GUSB: variants seen among roughly 807,000 people sequenced by gnomAD.
GUSB encodes glucuronidase beta, also known as beta-glucuronidase.
A neutral mutation model predicts 74.6 loss-of-function variants in GUSB; 51 were observed. The ratio of observed to expected loss-of-function variants is 0.68; its 90% CI spans 0.55 to 0.86. The LOEUF is 0.86. Among genes scored for constraint, GUSB ranks in the 40% least tolerant of loss-of-function variants. The pLI, the probability that GUSB is intolerant of heterozygous loss-of-function variation, is 0.00. For missense variants in GUSB, 736 were observed against 853.7 expected, an observed-to-expected ratio of 0.86 and a Z score of 1.72; for synonymous variants, 360 against 348.3, an observed-to-expected ratio of 1.03 and a Z score of -0.37.
Position 65,961,067 on chromosome 7 carries a change from CAAAA to C in GUSB, c.1790-8_1790-5del. 15 of 1,454,958 alleles carry C rather than the reference CAAAA, an allele frequency of 1.0e-5. No homozygotes were observed. The highest frequency in any genetic ancestry group is 2.4e-5 in the East Asian group (1 of 42,366). The allele number at this position is 1,454,958 out of a possible 1,614,324, so 90.1% of individuals were successfully genotyped here. A position where few individuals can be genotyped will look rare whatever the true frequency, so the allele number is the denominator to read the frequency against. ...TTCCCCAGCACTCTCGTCGGTGCTA[CAAAA>C]AAAAAAAAAAGACACAAAGCGATTC... On this transcript the variant is annotated splice_polypyrimidine_tract_variant and splice_region_variant and intron_variant, in intron 11 of 11. Transcript: ENST00000304895.
At position 65,982,172 on chromosome 7, in the gene GUSB, C is replaced by G; in HGVS notation, c.12G>C (p.Gly4=). 6.6e-7 allele frequency: 1 copy of G among 1,514,382 alleles called. No homozygotes were observed. Among genetic ancestry groups the G allele is most frequent in the Non-Finnish European group, 8.8e-7 (1 of 1,131,162 alleles). The allele number at this position is 1,514,382 out of a possible 1,614,324, so 93.8% of individuals were successfully genotyped here. Residue 4 remains glycine, a synonymous_variant, in exon 1 of 12, where the codon GGG becomes GGC. Coordinates refer to ENST00000304895, the MANE Select transcript of GUSB (RefSeq NM_000181.4). ...CGAGCGCCGCCCAGGCAACCGCCGA[C>G]CCCCGGGCCATGCTTCCCGGTCCCC... MAR[G]SAVAWAALGP...
At chr7:65,967,557 T>C (rs1880556) in intron 10 of GUSB, among the ~76,000 whole-genome samples, 174 bp downstream of exon 10, 85,294 of 151,954 alleles carry the variant, frequency 0.56, 24,242 homozygotes, top group East Asian at 0.81. Flanking sequence ...GAGGACCAAG[T>C]GAGTGGGGCA....
In GUSB at chr7:65,979,798, G is replaced by A. The variant is rs752674900; in HGVS notation, c.510C>T (p.Ile170=). 89 of 1,613,724 alleles carry A rather than the reference G, an allele frequency of 5.5e-5. No homozygotes were observed. Among genetic ancestry groups the A allele is most frequent in the African/African-American group, 8.0e-5 (6 of 74,936 alleles). Residue 170 remains isoleucine, a synonymous_variant, in exon 3 of 12, where the codon ATC becomes ATT. Coordinates refer to ENST00000304895, the MANE Select transcript of GUSB (RefSeq NM_000181.4). The part of the protein sequence containing the change: ...GPLPSRLRIT[I]AINNTLTPTT... ...TGGGGGTGAGTGTGTTGTTGATGGC[G>A]ATAGTGATTCGGAGCCGGGAGGGCA...
chr7:65,964,503 A>G (rs752691657), intron 10 of GUSB, 45 bp from the exon 11 acceptor site: 7 of 1,586,412 alleles, frequency 4.4e-6, no homozygotes, highest in African/African-American at 1.3e-5. Flanking sequence ...AACTGGCAGA[A>G]TTGTAAATGT....
intron 4 of GUSB, among the ~76,000 whole-genome samples, chr7:65,977,810 TTTTTTA>T (rs1428172905): frequency 9.2e-5 from 14 of 151,718 alleles, no homozygotes; most frequent in Non-Finnish European, 1.9e-4. Flanking sequence ...ATATATATAT[TTTTTTA>T]TTTTTATTTT....
intron 8 of GUSB, among the ~76,000 whole-genome samples, chr7:65,972,428 T>C (rs1210060258): frequency 6.6e-6 from 1 of 152,204 alleles, no homozygotes; most frequent in Non-Finnish European, 1.5e-5. Flanking sequence ...CCTCCCAAAG[T>C]GCTGGGATTA....
chr7:65,971,988 G>A (rs547185153), intron 8 of GUSB, among the ~76,000 whole-genome samples: 45 of 148,544 alleles, frequency 3.0e-4, no homozygotes, highest in African/African-American at 1.1e-3. Flanking sequence ...GTGGTGAGCC[G>A]AGATTGTGCC....
chr7:65,978,665 G>A (rs543512114), intron 4 of GUSB, among the ~76,000 whole-genome samples: 44 of 144,898 alleles, frequency 3.0e-4, no homozygotes, highest in South Asian at 6.6e-4. Context: ...CCAGTTACTC[G>A]GGAGGCTGAG....
chr7:65,961,071 A>G lies in GUSB; in HGVS notation c.1790-8T>C. The G allele has an allele frequency of 1.3e-6, 2 of 1,594,942 alleles. No individual in the cohort carries two copies. The highest frequency in any genetic ancestry group is 1.7e-6 in the Non-Finnish European group (2 of 1,164,054). On this transcript the variant is annotated splice_region_variant and splice_polypyrimidine_tract_variant and intron_variant, in intron 11 of 11. Coordinates refer to ENST00000304895, the MANE Select transcript of GUSB (RefSeq NM_000181.4). ...CCAGCACTCTCGTCGGTGCTACAAA[A>G]AAAAAAAAAAGACACAAAGCGATTC...
chr7:65,962,610 T>C (rs1335566485), intron 11 of GUSB, among the ~76,000 whole-genome samples: 1 of 152,074 alleles, frequency 6.6e-6, no homozygotes, highest in Non-Finnish European at 1.5e-5. Flanking sequence ...TGGTGGCTCA[T>C]GCCTGTAATC....
chr7:65,971,733 G>A (rs1250317321), intron 8 of GUSB, among the ~76,000 whole-genome samples: 6 of 142,014 alleles, frequency 4.2e-5, no homozygotes, highest in South Asian at 2.3e-4. Context: ...TCCATCTTGC[G>A]GAAAAAAAAA....
chr7:65,977,125 T>C (rs1791636083), intron 4 of GUSB, among the ~76,000 whole-genome samples: 1 of 152,116 alleles, frequency 6.6e-6, no homozygotes. Context: ...GTCTCATCCT[T>C]ACGAGCAGCC....
chr7:65,972,972 C>A (rs757282574), intron 8 of GUSB, among the ~76,000 whole-genome samples: 21 of 152,346 alleles, frequency 1.4e-4, no homozygotes, highest in Middle Eastern at 3.4e-3. Flanking sequence ...TCTACCACCT[C>A]TCCTGCTTCT....
At chr7:65,968,191 G>A (rs1038781620) in intron 9 of GUSB, among the ~76,000 whole-genome samples, 2 of 141,080 alleles carry the variant, frequency 1.4e-5, no homozygotes, top group East Asian at 2.1e-4. Flanking sequence ...CCAGGAGTTC[G>A]AGACCAGCCT....
intron 3 of GUSB, 85 bp from the exon 4 acceptor site, chr7:65,979,626 C>T (rs1440293151): frequency 6.3e-7 from 1 of 1,593,254 alleles, no homozygotes; most frequent in Non-Finnish European, 8.6e-7. Context: ...CTCCCCAGAT[C>T]CAAGGCCTCC....
intron 11 of GUSB, chr7:65,964,076 C>T (rs1384997980): frequency 4.3e-5 from 22 of 515,104 alleles, no homozygotes; most frequent in East Asian, 1.1e-4. Context: ...CAGCCATTTC[C>T]GATTCACTAT....
At chr7:65,977,871 T>C (rs959386283) in intron 4 of GUSB, among the ~76,000 whole-genome samples, 10 of 152,174 alleles carry the variant, frequency 6.6e-5, no homozygotes, top group African/African-American at 9.6e-5. Context: ...AGTGCAGTGA[T>C]GCAATCTCAG....
intron 9 of GUSB, among the ~76,000 whole-genome samples, chr7:65,968,986 G>C (rs1201692461): frequency 6.6e-6 from 1 of 152,208 alleles, no homozygotes; most frequent in Non-Finnish European, 1.5e-5. Context: ...GACCGAGTAG[G>C]ACCACCCCAA....
intron 5 of GUSB, chr7:65,975,344 G>A: frequency 4.1e-6 from 2 of 490,896 alleles, no homozygotes; most frequent in South Asian, 4.0e-5. Flanking sequence ...TCCAGGAGTT[G>A]AAGACCAGCC....
Sources: gnomAD v4.1 joint callset for allele counts (sites outside exome capture counted in the v4.1 genomes callset) on GRCh38, gnomAD v4.1.1 for gene constraint, MANE v1.5 for transcripts, NCBI Gene and HGNC (gene_info 2026-07-23, HGNC 2026-07-21) for gene names.